TRPM3: variants seen among roughly 807,000 people sequenced by gnomAD.
The protein encoded by TRPM3 is long transient receptor potential channel 3.
A neutral mutation model predicts 181.2 loss-of-function variants in TRPM3; 77 were observed. The observed-to-expected ratio is 0.42, with a 90% CI of 0.35 to 0.51. TRPM3 has a LOEUF of 0.51. TRPM3 is among the 20% of genes least tolerant of loss of function. The probability of loss-of-function intolerance (pLI) is 0.01; values close to 1 mark genes in which losing one functional copy is unlikely to be tolerated. For synonymous variants in TRPM3, 745 were observed against 796.4 expected, an observed-to-expected ratio of 0.94 and a Z score of 1.09; for missense variants, 1,759 against 2,196.7, an observed-to-expected ratio of 0.80 and a Z score of 3.98.
At chr9:70,632,821 G>C (rs1439983112) in intron 12 of TRPM3, among the ~76,000 whole-genome samples, 1 of 152,076 alleles carries the variant, frequency 6.6e-6, no homozygotes, top group Non-Finnish European at 1.5e-5. Context: ...ATCTTTAGCT[G>C]AGAAGCTACA....
Position 70,603,459 on chromosome 9 carries a change from G to A in TRPM3, c.2679C>T (p.Ile893=), listed in dbSNP as rs768057999. 8.7e-6 allele frequency: 14 copies of A among 1,613,882 alleles called. No individual in the cohort carries two copies. The highest frequency in any genetic ancestry group is 5.5e-5 in the South Asian group (5 of 91,038). The change falls in exon 20 of 26, where the codon ATC becomes ATT. Residue 893 remains isoleucine (I), a synonymous_variant. Transcript: ENST00000677713. ...TATAGTTGAAGAGCATCAGGTATCC[G>A]ATATACGCCAGCTGTAAGGAGACAC... is the stretch of plus-strand genomic sequence containing the variant. The part of the protein sequence containing the change: ...VKFWFYTLAY[I]GYLMLFNYIV...
At chr9:70,841,191 A>G (rs1291591141) in intron 5 of TRPM3, among the ~76,000 whole-genome samples, 1 of 152,150 alleles carries the variant, frequency 6.6e-6, no homozygotes, top group South Asian at 2.1e-4. Context: ...CCCCAAATAT[A>G]TTACATGAAA....
rs201266734 is a variant in TRPM3, at chr9:70,863,020, C to T, written c.350G>A (p.Arg117Gln). 6.6e-5 allele frequency: 107 copies of T among 1,613,530 alleles called. No individual in the cohort carries two copies. The highest frequency in any genetic ancestry group is 1.7e-4 in the African/African-American group (13 of 74,854). The change falls in exon 3 of 26, where the codon CGA (arginine) becomes CAA (glutamine). Residue 117 changes from arginine (R) to glutamine (Q), a missense_variant. Physicochemically the swap from Arg to Gln is conservative, Grantham distance 43. Coordinates refer to ENST00000677713, the MANE Select transcript of TRPM3 (RefSeq NM_001366145.2). ...QNEKNESRLSRNDIQSEKWSI... is the reference protein window; with the variant it reads ...QNEKNESRLSQNDIQSEKWSI... ...CCACTTTTCAGACTGGATGTCATTT[C>T]GGGAGAGGCGACTTTCATTTTTCTC...
chr9:71,208,850 G>A (rs1240212405), intron 1 of TRPM3, among the ~76,000 whole-genome samples: 4 of 152,080 alleles, frequency 2.6e-5, no homozygotes, highest in African/African-American at 9.7e-5. Context: ...AAACATAAAG[G>A]TAACCCTCTG....
At chr9:71,157,943 A>C (rs2076088003) in intron 1 of TRPM3, among the ~76,000 whole-genome samples, 1 of 152,140 alleles carries the variant, frequency 6.6e-6, no homozygotes, top group African/African-American at 2.4e-5. Flanking sequence ...TTGTCAAAAA[A>C]TGTCTGCATT....
At chr9:71,213,206 T>C (rs577330753) in intron 1 of TRPM3, among the ~76,000 whole-genome samples, 1 of 152,282 alleles carries the variant, frequency 6.6e-6, no homozygotes, top group East Asian at 1.9e-4. Context: ...AGTGTGGCCA[T>C]GTTTCAATAA....
intron 9 of TRPM3, among the ~76,000 whole-genome samples, chr9:70,663,117 T>C (rs1023949168): frequency 6.6e-6 from 1 of 152,264 alleles, no homozygotes. Flanking sequence ...GAGGCTATTA[T>C]TCTAAGTGAA....
Position 70,591,473 on chromosome 9 carries a change from G to C in TRPM3, c.3049-268C>G, listed in dbSNP as rs148701980. On this transcript the variant is annotated intron_variant, in intron 21 of 25. Coordinates refer to ENST00000677713, the MANE Select transcript of TRPM3 (RefSeq NM_001366145.2). ...CTTCGTTTTTCATTGCTGTCTGTGG[G>C]ACCGAGCATAGGTCCCACATAGGCT... is the stretch of plus-strand genomic sequence containing the variant. Among the ~76,000 whole-genome samples, 385 of 152,236 alleles carry C rather than the reference G, an allele frequency of 2.5e-3. 4 individuals carry two copies. The South Asian group carries it at 0.027, about 11-fold the overall frequency.
intron 1 of TRPM3, among the ~76,000 whole-genome samples, chr9:71,198,071 G>A (rs1217690357): frequency 6.7e-6 from 1 of 148,466 alleles, no homozygotes; most frequent in Non-Finnish European, 1.5e-5. Context: ...AAGGGATCCA[G>A]TTTCAGCTTT....
chr9:70,793,518 TAA>T (rs1218391858), intron 6 of TRPM3: 2 of 366,810 alleles, frequency 5.5e-6, no homozygotes, highest in African/African-American at 4.2e-5. Context: ...TGTATGCATA[TAA>T]ACACATATAA....
intron 1 of TRPM3, among the ~76,000 whole-genome samples, chr9:71,429,848 T>C (rs2093929806): frequency 6.6e-6 from 1 of 152,178 alleles, no homozygotes; most frequent in African/African-American, 2.4e-5. Flanking sequence ...TTTGGCTGCC[T>C]TCTTGTTCCT....
chr9:71,262,062 C>T (rs2083094124), intron 1 of TRPM3, among the ~76,000 whole-genome samples: 1 of 152,242 alleles, frequency 6.6e-6, no homozygotes. Context: ...CTCTTCAGAG[C>T]CAGCAGGCTG....
intron 1 of TRPM3, among the ~76,000 whole-genome samples, chr9:71,213,058 A>C (rs756043982): frequency 2.5e-4 from 38 of 152,332 alleles, no homozygotes; most frequent in African/African-American, 8.9e-4. Context: ...TAAATCCACA[A>C]ATCAGGTGTC....
At chr9:71,051,818 A>G (rs2060092135) in intron 1 of TRPM3, among the ~76,000 whole-genome samples, 1 of 152,090 alleles carries the variant, frequency 6.6e-6, no homozygotes, top group African/African-American at 2.4e-5. Flanking sequence ...ATCTAGTTCT[A>G]TACAACATCT....
At chr9:71,379,326 A>T (rs2092738546) in intron 1 of TRPM3, among the ~76,000 whole-genome samples, 1 of 152,102 alleles carries the variant, frequency 6.6e-6, no homozygotes. Flanking sequence ...CTGAAACAAG[A>T]TAATGGTTAC....
At chr9:71,331,868 GAGGA>G (rs1208710884) in intron 1 of TRPM3, among the ~76,000 whole-genome samples, 2 of 3,524 alleles carry the variant, frequency 5.7e-4, no homozygotes, top group Admixed American at 2.5e-3. Context: ...GACGGAGGAG[GAGGA>G]AGAAAGAGGA....
chr9:71,236,692 G>A (rs1014903589), intron 1 of TRPM3, among the ~76,000 whole-genome samples: 1 of 152,138 alleles, frequency 6.6e-6, no homozygotes, highest in Non-Finnish European at 1.5e-5. Context: ...CATCTGCTAA[G>A]ATAAATGTAG....
At chr9:70,918,825 C>T (rs1006296823) in intron 1 of TRPM3, among the ~76,000 whole-genome samples, 2 of 151,676 alleles carry the variant, frequency 1.3e-5, no homozygotes, top group African/African-American at 2.4e-5. Context: ...GGAATAGAAA[C>T]TTATTTTTTT....
At chr9:71,017,470 C>T (rs517119) in intron 1 of TRPM3, among the ~76,000 whole-genome samples, 151,273 of 152,028 alleles carry the variant, frequency 1, 75,264 homozygotes, top group Middle Eastern at 1. Context: ...ATGCTGATTA[C>T]AAGAAATGCA....
Sources: allele counts gnomAD v4.1 joint callset (sites outside exome capture counted in the v4.1 genomes callset), GRCh38; gene constraint gnomAD v4.1.1; transcripts MANE v1.5; gene names NCBI Gene and HGNC (gene_info 2026-07-23, HGNC 2026-07-21).